Variants in KCNC2 observed in about 807,000 individuals in gnomAD.
KCNC2 encodes potassium voltage-gated channel subfamily C member 2.
KCNC2 carries 21 observed loss-of-function variants against 44.5 expected under a neutral mutation model. The observed-to-expected ratio is 0.47, with a 90% CI of 0.33 to 0.68. The LOEUF (loss-of-function observed/expected upper bound fraction) is 0.68, where lower values mean the gene tolerates loss of function less well. Among genes scored for constraint, KCNC2 ranks in the 30% least tolerant of loss-of-function variants. KCNC2 has a pLI of 0.01. For synonymous variants in KCNC2, 391 were observed against 339.1 expected (o/e 1.15, Z -1.68); for missense variants, 589 against 826.2 (o/e 0.71, Z 3.52).
At chr12:75,101,228 C>T (rs1886345745) in intron 2 of KCNC2, among the ~76,000 whole-genome samples, 1 of 152,028 alleles carries the variant, frequency 6.6e-6, no homozygotes, top group South Asian at 2.1e-4. Context: ...ACCAATCCAG[C>T]ACACTAAAAG....
At chr12:75,139,352 A>G (rs1260974585) in intron 2 of KCNC2, among the ~76,000 whole-genome samples, 1 of 152,244 alleles carries the variant, frequency 6.6e-6, no homozygotes, top group Non-Finnish European at 1.5e-5. Context: ...CTCTTCTTCA[A>G]TGGAAGCTGT....
At chr12:75,076,777 T>C (rs970197755) in intron 2 of KCNC2, among the ~76,000 whole-genome samples, 5 of 152,222 alleles carry the variant, frequency 3.3e-5, no homozygotes, top group Admixed American at 2.0e-4. Flanking sequence ...TAAATGTTAC[T>C]TTCAGTATCT....
At chr12:75,052,070 T>C (rs1037289923) in intron 2 of KCNC2, among the ~76,000 whole-genome samples, 2 of 152,044 alleles carry the variant, frequency 1.3e-5, no homozygotes, top group Non-Finnish European at 2.9e-5. Context: ...CTTCAGCCAA[T>C]AATATATGAC....
chr12:75,069,831 C>T (rs1883221196), intron 2 of KCNC2, among the ~76,000 whole-genome samples: 1 of 152,136 alleles, frequency 6.6e-6, no homozygotes, highest in Non-Finnish European at 1.5e-5. Flanking sequence ...CTGTTTTCAC[C>T]TTTCCTATGC....
chr12:75,193,703 T>G (rs2030511525), intron 2 of KCNC2, among the ~76,000 whole-genome samples: 1 of 152,114 alleles, frequency 6.6e-6, no homozygotes, highest in South Asian at 2.1e-4. Context: ...TAAAGTTCTA[T>G]CTCCAAATAA....
chr12:75,091,695 C>A (rs1158252806), intron 2 of KCNC2, among the ~76,000 whole-genome samples: 1 of 151,216 alleles, frequency 6.6e-6, no homozygotes, highest in East Asian at 1.9e-4. Context: ...AATTTTATCT[C>A]ATTGATGGGA....
intron 2 of KCNC2, among the ~76,000 whole-genome samples, chr12:75,200,174 G>A (rs1299260661): frequency 6.6e-6 from 1 of 151,840 alleles, no homozygotes; most frequent in African/African-American, 2.4e-5. Flanking sequence ...CTTCCCGACA[G>A]CTAAAATTTG....
chr12:75,170,966 T>A (rs974557353), intron 2 of KCNC2, among the ~76,000 whole-genome samples: 1 of 151,746 alleles, frequency 6.6e-6, no homozygotes, highest in Non-Finnish European at 1.5e-5. Flanking sequence ...GTTCCTGTAT[T>A]CTTGCTAGCT....
chr12:75,059,473 A>G (rs960993226), intron 2 of KCNC2, among the ~76,000 whole-genome samples: 2 of 152,108 alleles, frequency 1.3e-5, no homozygotes, highest in Non-Finnish European at 2.9e-5. Flanking sequence ...GAAATCACCC[A>G]TTGTCTATTA....
At chr12:75,113,829 C>T (rs1887441016) in intron 2 of KCNC2, among the ~76,000 whole-genome samples, 1 of 152,084 alleles carries the variant, frequency 6.6e-6, no homozygotes, top group Non-Finnish European at 1.5e-5. Flanking sequence ...GTCCTTCAGC[C>T]GTGGATTGTA....
In KCNC2 at chr12:75,207,761, C is replaced by T; in HGVS notation, c.223G>A (p.Gly75Ser). 6.4e-7 allele frequency: 1 copy of T among 1,571,994 alleles called. No individual in the cohort carries two copies. Among genetic ancestry groups the T allele is most frequent in the Non-Finnish European group, 8.6e-7 (1 of 1,159,192 alleles). Reference sequence around the variant, plus strand: ...CCCGCGCCGCCCTCGAAGCAGCCGCCTGGCCCGGGGGACAGCGGGGGCGCT... The same window carrying T: ...CCCGCGCCGCCCTCGAAGCAGCCGCTTGGCCCGGGGGACAGCGGGGGCGCT... ...PRAPPLSPGP[G>S]GCFEGGAGNC... is the part of the protein sequence containing the mutation. Residue 75 changes from glycine to serine, a missense_variant, in exon 2 of 5, where the codon GGC (glycine) becomes AGC (serine). Coordinates refer to ENST00000549446, the MANE Select transcript of KCNC2 (RefSeq NM_139137.4). This position sits in a 1 kb window ranked among gnomAD's most constrained non-coding sequence, Gnocchi z 4.1.
chr12:75,048,092 A>C (rs781365755), intron 4 of KCNC2, 61 bp downstream of exon 4: 15 of 1,436,810 alleles, frequency 1.0e-5, no homozygotes, highest in Admixed American at 3.5e-5. Flanking sequence ...ACATTACTCC[A>C]TGTATTTCCA....
In KCNC2 at chr12:75,048,303, C is replaced by A. The variant is rs759029344; in HGVS notation, c.1630G>T (p.Asp544Tyr). The A allele has an allele frequency of 6.2e-7, 1 of 1,611,278 alleles. No individual in the cohort carries two copies. Among genetic ancestry groups the A allele is most frequent in the South Asian group, 1.1e-5 (1 of 90,764 alleles). Reference sequence around the variant, plus strand: ...AGTGGCGGCTCACTTCCTGTACTGTCGTCACCTGATAACACTGGTCACAGC... The same window carrying A: ...AGTGGCGGCTCACTTCCTGTACTGTAGTCACCTGATAACACTGGTCACAGC... ...EHNRSVLSGD[D>Y]STGSEPPLSP... The change falls in exon 4 of 5, where the codon GAC (aspartate) becomes TAC (tyrosine). Residue 544 changes from aspartate (D) to tyrosine (Y), a missense_variant. Asp to Tyr is a radical substitution (Grantham distance 160). Coordinates refer to ENST00000549446, the MANE Select transcript of KCNC2 (RefSeq NM_139137.4).
intron 2 of KCNC2, chr12:75,140,147 T>TA (rs1476072872): frequency 6.6e-6 from 1 of 152,236 alleles, no homozygotes; most frequent in African/African-American, 2.4e-5. Context: ...TGTTCTCACT[T>TA]ACATGTCTGG....
chr12:75,059,571 A>C (rs1882100712), intron 2 of KCNC2, among the ~76,000 whole-genome samples: 1 of 152,098 alleles, frequency 6.6e-6, no homozygotes, highest in Non-Finnish European at 1.5e-5. Flanking sequence ...TTTTCCTTTC[A>C]CACAATTTAT....
intron 2 of KCNC2, among the ~76,000 whole-genome samples, chr12:75,102,774 G>A (rs762955845): frequency 6.6e-6 from 1 of 151,884 alleles, no homozygotes; most frequent in Non-Finnish European, 1.5e-5. Flanking sequence ...GCTTTGAGTG[G>A]GCTTTAGAGA....
At chr12:75,183,666 T>C (rs1892747344) in intron 2 of KCNC2, among the ~76,000 whole-genome samples, 1 of 152,238 alleles carries the variant, frequency 6.6e-6, no homozygotes, top group East Asian at 1.9e-4. Flanking sequence ...AACTGAATGA[T>C]ACCTCTGTCT....
chr12:75,075,487 A>AT (rs1883869357), intron 2 of KCNC2, among the ~76,000 whole-genome samples: 1 of 144,512 alleles, frequency 6.9e-6, no homozygotes. Context: ...ATATATACAC[A>AT]TATATATATA....
At chr12:75,116,441 A>G (rs1565868301) in intron 2 of KCNC2, among the ~76,000 whole-genome samples, 1 of 152,230 alleles carries the variant, frequency 6.6e-6, no homozygotes, top group African/African-American at 2.4e-5. Context: ...GCTACTAAAA[A>G]TTGCTGTTAT....
Sources: gnomAD v4.1 joint callset for allele counts (sites outside exome capture counted in the v4.1 genomes callset) on GRCh38, gnomAD v4.1.1 for gene constraint, Gnocchi (gnomAD v3.1) non-coding constraint, MANE v1.5 for transcripts, NCBI Gene and HGNC (gene_info 2026-07-23, HGNC 2026-07-21) for gene names.